The following PLEKHG3 variants were observed in gnomAD, a reference collection of about 807,000 sequenced individuals.
The protein encoded by PLEKHG3 is pleckstrin homology domain-containing family G member 3.
PLEKHG3 carries 62 observed loss-of-function variants against 94.9 expected under a neutral mutation model. The observed-to-expected ratio is 0.65, with a 90% CI of 0.53 to 0.81. The LOEUF is 0.81. Among genes scored for constraint, PLEKHG3 ranks in the 30% least tolerant of loss-of-function variants. The pLI is 0.00. For synonymous variants in PLEKHG3, 614 were observed against 654.0 expected, an observed-to-expected ratio of 0.94 and a Z score of 0.93; for missense variants, 1,461 against 1,619.3, an observed-to-expected ratio of 0.90 and a Z score of 1.68.
chr14:64,743,479 G>A lies in PLEKHG3; in HGVS notation c.3436G>A (p.Val1146Ile), dbSNP rs941367962. Residue 1146 changes from valine (V) to isoleucine (I), a missense_variant, in exon 17 of 17, where the codon GTC becomes ATC. Transcript: ENST00000247226. This position sits in a 1 kb window ranked among gnomAD's most constrained non-coding sequence, Gnocchi z 7.2. Reference protein sequence around the residue: ...LTLEDNRRVIVMEKGPLPSPT... With the variant: ...LTLEDNRRVIIMEKGPLPSPT... ...CCTGGAGGACAACCGGCGGGTGATT[G>A]TCATGGAGAAGGGACCCCTTCCCAG... is the stretch of plus-strand genomic sequence containing the variant. 5.6e-6 allele frequency: 9 copies of A among 1,613,200 alleles called. No individual in the cohort carries two copies. In the African/African-American group the frequency reaches 1.2e-4, roughly 21 times the overall value.
Position 64,728,112 on chromosome 14 carries a change from A to G in PLEKHG3, c.351+130A>G. 1 of 634,028 alleles carries G rather than the reference A, an allele frequency of 1.6e-6. No homozygotes were observed. The allele number at this position is 634,028 out of a possible 1,614,324, so 39.3% of individuals were successfully genotyped here. On this transcript the variant is annotated intron_variant, in intron 2 of 16. Coordinates refer to ENST00000247226, the MANE Select transcript of PLEKHG3 (RefSeq NM_001308147.2). The surrounding 1 kb of genome is among the most constrained non-coding windows in gnomAD (Gnocchi z 5.9). ...GGGGTCTCCCACCCTCGCTGACTGC[A>G]CTGTGAAAGCTGTTGACCCCTGAGG...
In PLEKHG3 at chr14:64,725,766, T is replaced by G. The variant is rs2081339940; in HGVS notation, c.-39-1827T>G. On this transcript the variant is annotated intron_variant, in intron 1 of 16. Coordinates refer to ENST00000247226, the MANE Select transcript of PLEKHG3 (RefSeq NM_001308147.2). The surrounding 1 kb of genome is among the most constrained non-coding windows in gnomAD (Gnocchi z 5.0). ...GCTCCTTGGAGGTGACCCCCTCCAGTGAGACACAGTGACAAAGTGCTGTGC... is the reference window on the plus strand; with the variant it reads ...GCTCCTTGGAGGTGACCCCCTCCAGGGAGACACAGTGACAAAGTGCTGTGC... Among the ~76,000 whole-genome samples the G allele has an allele frequency of 6.6e-6, 1 of 152,190 alleles. No homozygotes were observed. Among genetic ancestry groups the G allele is most frequent in the African/African-American group, 2.4e-5 (1 of 41,448 alleles).
At position 64,730,739 on chromosome 14, in the gene PLEKHG3, C is replaced by A. The variant is rs969843980; in HGVS notation, c.566+51C>A. On this transcript the variant is annotated intron_variant, in intron 5 of 16. Transcript: ENST00000247226. This position sits in a 1 kb window ranked among gnomAD's most constrained non-coding sequence, Gnocchi z 5.4. ...GCAGAGCCATTTGGTGAGTCCAGAG[C>A]CCCCCACTTCCTCATCCAGGCCTTC... The A allele has an allele frequency of 2.5e-6, 4 of 1,610,700 alleles. No individual in the cohort carries two copies. In the Admixed American group the frequency reaches 6.7e-5, roughly 27 times the overall value.
chr14:64,740,573 T>C (rs1182896703), intron 15 of PLEKHG3, among the ~76,000 whole-genome samples: 1 of 152,230 alleles, frequency 6.6e-6, no homozygotes. Flanking sequence ...TCTCATGTTG[T>C]GCAGGTCTGG....
At chr14:64,736,967 G>A (rs745693953) in intron 13 of PLEKHG3, 76 bp downstream of exon 13, 72 of 1,096,388 alleles carry the variant, frequency 6.6e-5, no homozygotes, top group Non-Finnish European at 1.0e-4. Flanking sequence ...CCGACAACCT[G>A]GGGTGTGACC....
chr14:64,734,554 A>G (rs527386573), intron 12 of PLEKHG3, among the ~76,000 whole-genome samples: 2 of 152,320 alleles, frequency 1.3e-5, no homozygotes, highest in South Asian at 4.1e-4. Flanking sequence ...AAGCCCCCAA[A>G]CTTTAGGTGT....
rs35469561 is a variant in PLEKHG3 at position 64,721,985 on chromosome 14, G to GTT, written c.-39-5603_-39-5602dup. ...TGGAAGTTCACATTGCTCCCACACT[G>GTT]TTTTTTCTGGAAAAGTTATAGCTTT... On this transcript the variant is annotated intron_variant, in intron 1 of 16. Transcript: ENST00000247226. This position sits in a 1 kb window ranked among gnomAD's most constrained non-coding sequence, Gnocchi z 4.3. Among the ~76,000 whole-genome samples, 8,346 of 152,052 alleles carry GTT rather than the reference G, an allele frequency of 0.055. 292 individuals are homozygous for GTT. Among genetic ancestry groups the GTT allele is most frequent in the Non-Finnish European group, 0.08 (5,421 of 67,956 alleles).
Position 64,731,086 on chromosome 14 carries a change from G to A in PLEKHG3, c.766G>A (p.Glu256Lys), listed in dbSNP as rs377292289. The change falls in exon 7 of 17, where the codon GAG becomes AAG. Residue 256 changes from glutamate to lysine, a missense_variant. This residue lies in a region of PLEKHG3 where 1,201 missense variants were observed against 1,295.5 expected (regional missense o/e 0.93). Coordinates refer to ENST00000247226, the MANE Select transcript of PLEKHG3 (RefSeq NM_001308147.2). The surrounding 1 kb of genome is among the most constrained non-coding windows in gnomAD (Gnocchi z 6.1). ...DEEEDGFEVV[E>K]DAIDTMTCVA... ...AGAAGAGGATGGCTTTGAGGTGGTG[G>A]AGGATGCCATTGACACCATGACCTG... 3 of 1,613,680 alleles carry A rather than the reference G, an allele frequency of 1.9e-6. No homozygotes were observed. The highest frequency in any genetic ancestry group is 2.5e-6 in the Non-Finnish European group (3 of 1,179,580).
chr14:64,747,308 G>C lies in PLEKHG3; in HGVS notation c.*3605G>C, dbSNP rs926311745. On this transcript the variant is annotated 3_prime_UTR_variant, in exon 17 of 17. Transcript: ENST00000247226. The stretch of plus-strand genomic sequence containing the variant: ...CCCTTCAGCAAGGAACCTGCTCTCT[G>C]CCCCAGAGGAGGACATGCCTGCAAG... 10 of 152,622 alleles carry C rather than the reference G, an allele frequency of 6.6e-5. No homozygotes were observed. Among genetic ancestry groups the C allele is most frequent in the Non-Finnish European group, 2.9e-5 (2 of 68,066 alleles). 9.5% of individuals were successfully genotyped at this position (152,622 alleles called of 1,614,324 possible). A position where few individuals can be genotyped will look rare whatever the true frequency, so the allele number is the denominator to read the frequency against.
Position 64,743,328 on chromosome 14 carries a change from G to A in PLEKHG3, c.3285G>A (p.Val1095=). The A allele has an allele frequency of 6.2e-7, 1 of 1,607,492 alleles. No homozygotes were observed. The highest frequency in any genetic ancestry group is 1.1e-5 in the South Asian group (1 of 90,818). Residue 1095 remains valine (V), a synonymous_variant, in exon 17 of 17, where the codon GTG becomes GTA. Transcript: ENST00000247226. This position sits in a 1 kb window ranked among gnomAD's most constrained non-coding sequence, Gnocchi z 7.2. The part of the protein sequence containing the change: ...NMVEPPLSGR[V]GRCRSLSTKR... ...TAGAGCCACCTCTGTCGGGCAGGGT[G>A]GGCCGCTGCCGCAGCCTGAGCACCA...
At chr14:64,735,886 T>A (rs1017457191) in intron 12 of PLEKHG3, among the ~76,000 whole-genome samples, 14 of 152,408 alleles carry the variant, frequency 9.2e-5, no homozygotes, top group African/African-American at 3.4e-4. Flanking sequence ...TAAATATTCT[T>A]GATAAGTTTT....
chr14:64,704,987 T>C lies in PLEKHG3; in HGVS notation c.-40+283T>C, dbSNP rs229663. On this transcript the variant is annotated intron_variant, in intron 1 of 16. Coordinates refer to ENST00000247226, the MANE Select transcript of PLEKHG3 (RefSeq NM_001308147.2). This position sits in a 1 kb window ranked among gnomAD's most constrained non-coding sequence, Gnocchi z 5.6. The stretch of plus-strand genomic sequence containing the variant: ...AAAAGGGGCAAATGCGCCGGGCGGC[T>C]CCAGAGAGGCTCAGTTTGAAATCCA... 0.13 allele frequency among the ~76,000 whole-genome samples: 19,501 copies of C among 152,112 alleles called. 1,340 individuals carry two copies. Among genetic ancestry groups the C allele is most frequent in the Middle Eastern group, 0.17 (51 of 292 alleles).
chr14:64,729,752 G>T (rs930275222), intron 3 of PLEKHG3, among the ~76,000 whole-genome samples: 1 of 152,166 alleles, frequency 6.6e-6, no homozygotes, highest in Non-Finnish European at 1.5e-5. Flanking sequence ...AGGGTGCAGG[G>T]AGGACTTAGG....
In PLEKHG3 at chr14:64,749,519, C is replaced by A. The variant is rs752594921; in HGVS notation, c.*5816C>A. 2.5e-6 allele frequency: 4 copies of A among 1,597,680 alleles called. No homozygotes were observed. The highest frequency in any genetic ancestry group is 3.4e-6 in the Non-Finnish European group (4 of 1,177,384). On this transcript the variant is annotated 3_prime_UTR_variant, in exon 17 of 17. Coordinates refer to ENST00000247226, the MANE Select transcript of PLEKHG3 (RefSeq NM_001308147.2). This position sits in a 1 kb window ranked among gnomAD's most constrained non-coding sequence, Gnocchi z 4.7. ...GTGGAGTCTGGAGGCCCACAGCCCCCCACCTCCCGGGCCAGGCAACAATGG... is the reference window on the plus strand; with the variant it reads ...GTGGAGTCTGGAGGCCCACAGCCCCACACCTCCCGGGCCAGGCAACAATGG...
At chr14:64,737,791 C>CA (rs1209955399) in intron 14 of PLEKHG3, 20 of 811,612 alleles carry the variant, frequency 2.5e-5, no homozygotes, top group Non-Finnish European at 3.1e-5. Context: ...GCTCCCCCCC[C>CA]GCAGCTGCCT....
At position 64,718,732 on chromosome 14, in the gene PLEKHG3, C is replaced by T. The variant is rs989641790; in HGVS notation, c.-39-8861C>T. Among the ~76,000 whole-genome samples the T allele has an allele frequency of 2.6e-5, 4 of 152,080 alleles. No individual in the cohort carries two copies. Among genetic ancestry groups the T allele is most frequent in the East Asian group, 1.9e-4 (1 of 5,194 alleles). On this transcript the variant is annotated intron_variant, in intron 1 of 16. Transcript: ENST00000247226. This position sits in a 1 kb window ranked among gnomAD's most constrained non-coding sequence, Gnocchi z 5.0. ...TGCTTTTCCTTTTTTTGATATTCCT[C>T]GTGACTTAGGAATGGGTCCGCACTA...
chr14:64,730,433 C>A lies in PLEKHG3; in HGVS notation c.519+121C>A. 1.3e-6 allele frequency: 1 copy of A among 776,414 alleles called. No individual in the cohort carries two copies. The highest frequency in any genetic ancestry group is 2.7e-5 in the East Asian group (1 of 37,454). 48.1% of individuals were successfully genotyped at this position (776,414 alleles called of 1,614,324 possible). ...TCCTTTCCAGGGAAAGTCCTGGGTG[C>A]TCTATCTTGAATGAGAAGGGTGTTC... On this transcript the variant is annotated intron_variant, in intron 4 of 16. Transcript: ENST00000247226. This position sits in a 1 kb window ranked among gnomAD's most constrained non-coding sequence, Gnocchi z 5.4.
intron 12 of PLEKHG3, among the ~76,000 whole-genome samples, chr14:64,733,426 C>T (rs1446690548): frequency 6.6e-6 from 1 of 152,144 alleles, no homozygotes; most frequent in Admixed American, 6.5e-5. Flanking sequence ...TCTCGGACTC[C>T]CAAAGTACTG....
At position 64,749,285 on chromosome 14, in the gene PLEKHG3, C is replaced by T. The variant is rs757432912; in HGVS notation, c.*5582C>T. ...CGGTCTCTGCGCGTCCCGACTCCGC[C>T]GCGCCCGCCAGCCCCACCTGCTACT... On this transcript the variant is annotated 3_prime_UTR_variant, in exon 17 of 17. Coordinates refer to ENST00000247226, the MANE Select transcript of PLEKHG3 (RefSeq NM_001308147.2). The surrounding 1 kb of genome is among the most constrained non-coding windows in gnomAD (Gnocchi z 4.7). 21 of 1,561,958 alleles carry T rather than the reference C, an allele frequency of 1.3e-5. No individual in the cohort carries two copies. The highest frequency in any genetic ancestry group is 2.3e-5 in the South Asian group (2 of 86,296).
Sources: allele counts gnomAD v4.1 joint callset (sites outside exome capture counted in the v4.1 genomes callset), GRCh38; gene constraint gnomAD v4.1.1; regional missense constraint gnomAD v4.1.1; non-coding constraint Gnocchi (gnomAD v3.1); transcripts MANE v1.5; gene names NCBI Gene and HGNC (gene_info 2026-07-23, HGNC 2026-07-21).